GAB1: variants seen among roughly 807,000 people sequenced by gnomAD.
GAB1 encodes GRB2 associated binding protein 1.
GAB1 carries 19 observed loss-of-function variants against 66.5 expected under a neutral mutation model. The observed-to-expected ratio is 0.29, with a 90% CI of 0.20 to 0.42. The LOEUF (loss-of-function observed/expected upper bound fraction) is 0.42. Ranked by LOEUF, GAB1 falls within the 10% of genes least tolerant of loss-of-function variation. The pLI, the probability that GAB1 is intolerant of heterozygous loss-of-function variation, is 1.00. For missense variants in GAB1, 732 were observed against 858.5 expected (o/e 0.85, Z 1.84); for synonymous variants, 294 against 301.4 (o/e 0.98, Z 0.25).
At chr4:143,373,868 A>ATATATATATATATATATATAT (rs1560725949) in intron 1 of GAB1, among the ~76,000 whole-genome samples, 2,301 of 93,120 alleles carry the variant, frequency 0.025, 246 homozygotes, top group Middle Eastern at 0.038. Flanking sequence ...TAAATAAATA[A>ATATATATATATATATATATAT]ATATATATAT....
In GAB1 at chr4:143,401,939, A is replaced by C. The variant is rs949698882; in HGVS notation, c.73-13538A>C. 2.4e-4 allele frequency among the ~76,000 whole-genome samples: 36 copies of C among 152,140 alleles called. 1 individual carries two copies. The highest frequency in any genetic ancestry group is 2.9e-5 in the Non-Finnish European group (2 of 68,018). On this transcript the variant is annotated intron_variant, in intron 1 of 9. Coordinates refer to ENST00000262994, the MANE Select transcript of GAB1 (RefSeq NM_002039.4). ...TAGCTTACATGATTTTTTTCTGGAG[A>C]ACACTTTCCTTGGATATTGGGCAAC...
chr4:143,366,031 A>T (rs1729869350), intron 1 of GAB1, among the ~76,000 whole-genome samples: 1 of 152,234 alleles, frequency 6.6e-6, no homozygotes, highest in Admixed American at 6.5e-5. Context: ...AAATGTATTT[A>T]TAGGGTGCCT....
chr4:143,422,746 G>GAAGCTTGTTCACTGA, intron 2 of GAB1, among the ~76,000 whole-genome samples: 1 of 152,256 alleles, frequency 6.6e-6, no homozygotes, highest in East Asian at 1.9e-4. Context: ...CTCTTCACTG[G>GAAGCTTGTTCACTGA]AAGCTTGTTC....
intron 9 of GAB1, among the ~76,000 whole-genome samples, chr4:143,468,556 G>GTA (rs959774113): frequency 1.8e-4 from 27 of 151,930 alleles, no homozygotes; most frequent in African/African-American, 6.3e-4. Context: ...GGCAAAAATA[G>GTA]TATATAGTTA....
intron 1 of GAB1, among the ~76,000 whole-genome samples, chr4:143,389,258 A>G (rs914846987): frequency 1.3e-5 from 2 of 152,226 alleles, no homozygotes; most frequent in Admixed American, 1.3e-4. Context: ...AGACCAATGT[A>G]TATAATCAAA....
rs144852070 is a variant in GAB1 at position 143,457,595 on chromosome 4, C to CTTTT, written c.1586-1773_1586-1770dup. On this transcript the variant is annotated intron_variant, in intron 6 of 9. Transcript: ENST00000262994. ...AACATTTTTGCACAGGGCTCTGTTG[C>CTTTT]TTTTTTTTTTTTTTTTTTTTACAGA... The CTTTT allele has an allele frequency of 6.8e-5, 20 of 294,668 alleles. 1 individual carries two copies. The highest frequency in any genetic ancestry group is 1.5e-4 in the African/African-American group (5 of 34,352). The allele number at this position is 294,668 out of a possible 1,614,324, so 18.3% of individuals were successfully genotyped here.
At chr4:143,396,750 C>T (rs1375207861) in intron 1 of GAB1, among the ~76,000 whole-genome samples, 1 of 152,126 alleles carries the variant, frequency 6.6e-6, no homozygotes, top group Non-Finnish European at 1.5e-5. Flanking sequence ...GGCTGGTTTA[C>T]ATTCTTGGGG....
chr4:143,430,252 A>T (rs186569487), intron 2 of GAB1, among the ~76,000 whole-genome samples: 3 of 152,350 alleles, frequency 2.0e-5, no homozygotes, highest in East Asian at 3.9e-4. Flanking sequence ...CAGTAGTTAC[A>T]GTCAGAAACA....
At chr4:143,464,660 AT>A (rs1735686230) in intron 8 of GAB1, among the ~76,000 whole-genome samples, 1 of 152,184 alleles carries the variant, frequency 6.6e-6, no homozygotes, top group African/African-American at 2.4e-5. Flanking sequence ...TGCATACCTG[AT>A]TATATGAAAT....
intron 8 of GAB1, among the ~76,000 whole-genome samples, chr4:143,461,975 C>T (rs1048657144): frequency 6.6e-6 from 1 of 152,052 alleles, no homozygotes. Flanking sequence ...CCAAATTTAG[C>T]CAGGCACAGT....
chr4:143,369,448 A>G (rs964407296), intron 1 of GAB1, among the ~76,000 whole-genome samples: 1 of 152,204 alleles, frequency 6.6e-6, no homozygotes. Context: ...AGAAAAGACA[A>G]TGTTTTTACA....
chr4:143,469,067 G>A lies in GAB1; in HGVS notation c.1963G>A (p.Glu655Lys). The A allele has an allele frequency of 6.2e-7, 1 of 1,614,190 alleles. No homozygotes were observed. The highest frequency in any genetic ancestry group is 8.5e-7 in the Non-Finnish European group (1 of 1,179,996). ...TGGCTCAGGCAGCAGTGTAGCAGAT[G>A]AGAGAGTGGATTATGTTGTTGTTGA... ...SSGSGSSVADERVDYVVVDQQ... is the reference protein window; with the variant it reads ...SSGSGSSVADKRVDYVVVDQQ... The change falls in exon 10 of 10, where the codon GAG becomes AAG. Residue 655 changes from glutamate to lysine, a missense_variant. By Grantham distance (56) the Glu-to-Lys change is moderately conservative (BLOSUM62 1). Around this residue, in one of 4 missense-constraint regions of GAB1, gnomAD observed 204 missense variants for 276.8 expected, o/e 0.74. Transcript: ENST00000262994.
chr4:143,461,479 C>T (rs1308028794), intron 8 of GAB1, among the ~76,000 whole-genome samples: 3 of 152,136 alleles, frequency 2.0e-5, no homozygotes. Flanking sequence ...AGTGACATTC[C>T]AACTCCAGGT....
At chr4:143,425,398 A>G (rs748078617) in intron 2 of GAB1, 27 of 759,360 alleles carry the variant, frequency 3.6e-5, no homozygotes, top group African/African-American at 6.8e-5. Context: ...TCTGGGAGCC[A>G]TGGCTTCTTG....
chr4:143,393,405 A>G (rs1731283082), intron 1 of GAB1, among the ~76,000 whole-genome samples: 1 of 152,162 alleles, frequency 6.6e-6, no homozygotes, highest in South Asian at 2.1e-4. Flanking sequence ...CCAGACTACT[A>G]GGTTCAGATC....
At chr4:143,461,721 G>A (rs574586156) in intron 8 of GAB1, among the ~76,000 whole-genome samples, 15 of 152,250 alleles carry the variant, frequency 9.9e-5, no homozygotes, top group African/African-American at 3.6e-4. Context: ...ATATCTTCCA[G>A]GATAAGCAAA....
chr4:143,348,869 C>T (rs1426255510), intron 1 of GAB1, among the ~76,000 whole-genome samples: 8 of 152,222 alleles, frequency 5.3e-5, no homozygotes, highest in Admixed American at 6.6e-5. Flanking sequence ...TCTCTCTCTC[C>T]GGGCCTTTGC....
chr4:143,363,031 A>G (rs1401265457), intron 1 of GAB1, among the ~76,000 whole-genome samples: 2 of 152,220 alleles, frequency 1.3e-5, no homozygotes, highest in African/African-American at 4.8e-5. Context: ...TATTGTCCCC[A>G]TTTTGTAAAG....
chr4:143,450,673 T>C (rs1734877729), intron 6 of GAB1, among the ~76,000 whole-genome samples: 1 of 152,146 alleles, frequency 6.6e-6, no homozygotes, highest in Non-Finnish European at 1.5e-5. Flanking sequence ...GCAGATCACC[T>C]GAGGTCAGGA....
Sources: gnomAD v4.1 joint callset for allele counts (sites outside exome capture counted in the v4.1 genomes callset) on GRCh38, gnomAD v4.1.1 for gene constraint, gnomAD v4.1.1 regional missense constraint, MANE v1.5 for transcripts, NCBI Gene and HGNC (gene_info 2026-07-23, HGNC 2026-07-21) for gene names.